FBXO5: variants seen among roughly 807,000 people sequenced by gnomAD.
FBXO5 encodes F-box protein 5.
FBXO5 carries 8 observed loss-of-function variants against 43.3 expected under a neutral mutation model. That is an observed-to-expected ratio of 0.18 (90% CI 0.11 to 0.33). The LOEUF (loss-of-function observed/expected upper bound fraction) is 0.33. Among genes scored for constraint, FBXO5 ranks in the 10% least tolerant of loss-of-function variants. The pLI is 1.00. For synonymous variants in FBXO5, 204 were observed against 193.7 expected, an observed-to-expected ratio of 1.05 and a Z score of -0.44; for missense variants, 491 against 535.7, an observed-to-expected ratio of 0.92 and a Z score of 0.82.
At position 152,975,146 on chromosome 6, in the gene FBXO5, T is replaced by A. The variant is rs748149130; in HGVS notation, c.579A>T (p.Pro193=). The A allele has an allele frequency of 5.0e-6, 8 of 1,614,088 alleles. No homozygotes were observed. The highest frequency in any genetic ancestry group is 6.8e-6 in the Non-Finnish European group (8 of 1,180,038). Residue 193 remains proline (P), a synonymous_variant, in exon 2 of 5, where the codon CCA becomes CCT. Coordinates refer to ENST00000229758, the MANE Select transcript of FBXO5 (RefSeq NM_012177.5). ...PDQYPNKNLL[P]VLHFEKVVCS... Reference sequence around the variant, plus strand: ...AAACCACTTTTTCAAAATGAAGAACTGGCAGCAAGTTTTTGTTGGGATATT... The same window carrying A: ...AAACCACTTTTTCAAAATGAAGAACAGGCAGCAAGTTTTTGTTGGGATATT...
Position 152,975,102 on chromosome 6 carries a change from T to C in FBXO5, c.623A>G (p.Asn208Ser). The C allele has an allele frequency of 1.2e-6, 2 of 1,614,226 alleles. No homozygotes were observed. The highest frequency in any genetic ancestry group is 1.1e-5 in the South Asian group (1 of 91,080). ...ATCTACTTTAGGATTTCGTTTTGCA[T>C]TCTTTTTTAATGTTGAACAAACCAC... Reference protein sequence around the residue: ...EKVVCSTLKKNAKRNPKVDRE... With the variant: ...EKVVCSTLKKSAKRNPKVDRE... The change falls in exon 2 of 5, where the codon AAT becomes AGT. Residue 208 changes from asparagine to serine, a missense_variant. Coordinates refer to ENST00000229758, the MANE Select transcript of FBXO5 (RefSeq NM_012177.5).
At chr6:152,977,509 C>T (rs188169000) in intron 1 of FBXO5, among the ~76,000 whole-genome samples, 182 of 152,248 alleles carry the variant, frequency 1.2e-3, no homozygotes, top group African/African-American at 4.1e-3. Context: ...CAGGATCCTA[C>T]TAAACCTAAA....
intron 4 of FBXO5, 36 bp downstream of exon 4, chr6:152,972,236 T>C (rs1288037264): frequency 6.7e-7 from 1 of 1,489,014 alleles, no homozygotes; most frequent in South Asian, 1.2e-5. Flanking sequence ...TCTAAATCTC[T>C]TATGTTTTAA....
At chr6:152,983,161 GC>G, upstream of FBXO5, 1 of 399,676 alleles carries the variant, frequency 2.5e-6, no homozygotes. Flanking sequence ...GGGTGGGGGC[GC>G]CCTCGTCCGC....
At chr6:152,972,661 C>T in intron 3 of FBXO5, 1 of 514,080 alleles carries the variant, frequency 1.9e-6, no homozygotes, top group Non-Finnish European at 3.4e-6. Context: ...AAACTGTGAA[C>T]CAAATACTAT....
upstream of FBXO5, chr6:152,983,227 A>G (rs979096227): frequency 5.6e-6 from 2 of 356,108 alleles, no homozygotes; most frequent in African/African-American, 4.2e-5. Flanking sequence ...GCCCCCTTCC[A>G]GCTTACCGGC....
At chr6:152,973,551 A>C (rs1322727547) in intron 2 of FBXO5, 1 of 159,418 alleles carries the variant, frequency 6.3e-6, no homozygotes, top group East Asian at 1.8e-4. Context: ...GAAAAAGTAG[A>C]ATCTGTGGTA....
intron 2 of FBXO5, 87 bp downstream of exon 2, chr6:152,974,820 C>T: frequency 9.7e-7 from 1 of 1,030,872 alleles, no homozygotes. Flanking sequence ...ACCTGTACAA[C>T]AGCCTTTGCA....
chr6:152,977,215 G>A (rs1562291822), intron 1 of FBXO5, among the ~76,000 whole-genome samples: 1 of 152,154 alleles, frequency 6.6e-6, no homozygotes, highest in African/African-American at 2.4e-5. Context: ...AAGAAAGCCT[G>A]AATCTTAAAT....
At chr6:152,976,099 T>C (rs1468183376) in intron 1 of FBXO5, among the ~76,000 whole-genome samples, 1 of 152,170 alleles carries the variant, frequency 6.6e-6, no homozygotes, top group African/African-American at 2.4e-5. Flanking sequence ...TATGGTTCTC[T>C]TTGACGTAAG....
chr6:152,975,971 T>C (rs1228231227), intron 1 of FBXO5, among the ~76,000 whole-genome samples: 1 of 152,198 alleles, frequency 6.6e-6, no homozygotes, highest in Non-Finnish European at 1.5e-5. Flanking sequence ...TCTGTGTTTA[T>C]GGAACAAATG....
intron 1 of FBXO5, 31 bp from the exon 2 acceptor site, chr6:152,975,652 A>G (rs750396714): frequency 2.1e-6 from 3 of 1,446,722 alleles, no homozygotes; most frequent in East Asian, 4.5e-5. Flanking sequence ...TTACATCTTA[A>G]TGGCAAAATT....
chr6:152,979,076 G>A (rs1562292442), intron 1 of FBXO5, among the ~76,000 whole-genome samples: 1 of 152,086 alleles, frequency 6.6e-6, no homozygotes, highest in Admixed American at 6.5e-5. Flanking sequence ...AAGCTGCAAG[G>A]ATAGTGCAGA....
At chr6:152,979,205 C>G (rs1778225874) in intron 1 of FBXO5, among the ~76,000 whole-genome samples, 2 of 152,142 alleles carry the variant, frequency 1.3e-5, no homozygotes, top group African/African-American at 4.8e-5. Context: ...GCTGTAGTTT[C>G]TACCTAAAAT....
chr6:152,975,915 A>T (rs1411051457), intron 1 of FBXO5, among the ~76,000 whole-genome samples: 3 of 152,216 alleles, frequency 2.0e-5, no homozygotes, highest in African/African-American at 7.2e-5. Context: ...GTTGTCTATA[A>T]CTGATTGAGT....
chr6:152,982,641 T>C (rs1046743953), intron 1 of FBXO5, among the ~76,000 whole-genome samples: 2 of 151,954 alleles, frequency 1.3e-5, no homozygotes, highest in Admixed American at 1.3e-4. Context: ...CGGCCCGCCA[T>C]CCCGCCCCTG....
chr6:152,982,075 TAA>T (rs1269103332), intron 1 of FBXO5, among the ~76,000 whole-genome samples: 1 of 152,232 alleles, frequency 6.6e-6, no homozygotes, highest in Non-Finnish European at 1.5e-5. Context: ...TTGCTTTTTT[TAA>T]AGTCTTCCCT....
chr6:152,971,346 A>G lies in FBXO5; in HGVS notation c.1161T>C (p.Tyr387=), dbSNP rs1410952343. ...ACIRCNSPAK[Y]DCYLQRATCK... is the part of the protein sequence containing the mutation. ...AGGTTGCCCGTTGTAAATAGCAATC[A>G]TATTTTGCAGGTGAATTACAGCGAA... Residue 387 remains tyrosine (Y), a synonymous_variant, in exon 5 of 5, where the codon TAT becomes TAC. Coordinates refer to ENST00000229758, the MANE Select transcript of FBXO5 (RefSeq NM_012177.5). 1 of 1,614,028 alleles carries G rather than the reference A, an allele frequency of 6.2e-7. No homozygotes were observed. The highest frequency in any genetic ancestry group is 8.5e-7 in the Non-Finnish European group (1 of 1,179,956).
chr6:152,975,239 A>G lies in FBXO5; in HGVS notation c.486T>C (p.Gly162=), dbSNP rs1181128903. The part of the protein sequence containing the change: ...LQSGLSEHEE[G]SLLEENFGDS... ...CACCGAAATTCTCCTCCAGGAGGCT[A>G]CCTTCTTCATGTTCACTGAGGCCAC... is the stretch of plus-strand genomic sequence containing the variant. Residue 162 remains glycine, a synonymous_variant, in exon 2 of 5, where the codon GGT becomes GGC. Transcript: ENST00000229758. 1 of 1,614,078 alleles carries G rather than the reference A, an allele frequency of 6.2e-7. No individual in the cohort carries two copies. The highest frequency in any genetic ancestry group is 2.2e-5 in the East Asian group (1 of 44,874).
Sources: gnomAD v4.1 joint callset for allele counts (sites outside exome capture counted in the v4.1 genomes callset) on GRCh38, gnomAD v4.1.1 for gene constraint, MANE v1.5 for transcripts, NCBI Gene and HGNC (gene_info 2026-07-23, HGNC 2026-07-21) for gene names.